MAPK9: variants seen among roughly 807,000 people sequenced by gnomAD.
MAPK9 encodes the protein mitogen-activated protein kinase 9, also known as Jun kinase.
In MAPK9, 30 loss-of-function variants were observed where a neutral mutation model predicts 57.1. The ratio of observed to expected loss-of-function variants is 0.53; its 90% CI spans 0.39 to 0.71. MAPK9 has a LOEUF of 0.71. Ranked by LOEUF, MAPK9 falls within the 30% of genes least tolerant of loss-of-function variation. The pLI is 0.00. For missense variants in MAPK9, 362 were observed against 521.0 expected (o/e 0.69, Z 2.97); for synonymous variants, 155 against 177.0 (o/e 0.88, Z 0.99).
Position 180,249,076 on chromosome 5 carries a change from G to A in MAPK9, c.513C>T (p.Gly171=), listed in dbSNP as rs1758412916. Residue 171 remains glycine (G), a synonymous_variant, in exon 6 of 12, where the codon GGC becomes GGT. Coordinates refer to ENST00000452135, the MANE Select transcript of MAPK9 (RefSeq NM_002752.5). ...AGTTAGTGCACGCTGTCCGGGCCAG[G>A]CCAAAGTCAAGGATCTTCAGGGTGC... The part of the protein sequence containing the change: ...SDCTLKILDF[G]LARTACTNFM... 5.6e-6 allele frequency: 9 copies of A among 1,613,890 alleles called. No individual in the cohort carries two copies. The highest frequency in any genetic ancestry group is 7.6e-6 in the Non-Finnish European group (9 of 1,179,888).
At chr5:180,238,605 C>CT (rs869035444) in intron 10 of MAPK9, among the ~76,000 whole-genome samples, 17 of 129,616 alleles carry the variant, frequency 1.3e-4, no homozygotes, top group East Asian at 2.1e-4. Flanking sequence ...TTTTCTTCTT[C>CT]TTCTTTTTTT....
At chr5:180,280,254 G>A (rs564177904) in intron 2 of MAPK9, among the ~76,000 whole-genome samples, 186 bp downstream of exon 2, 1 of 152,080 alleles carries the variant, frequency 6.6e-6, no homozygotes, top group African/African-American at 2.4e-5. Flanking sequence ...AGCATTCTAA[G>A]AATATGGGTT....
chr5:180,238,072 C>T, intron 11 of MAPK9: 1 of 250,828 alleles, frequency 4.0e-6, no homozygotes, highest in South Asian at 5.0e-5. Context: ...GAGATCGAGA[C>T]CAGCTTGGCC....
At chr5:180,239,872 C>T (rs368160281) in intron 10 of MAPK9, 52 bp downstream of exon 10, 462 of 1,550,390 alleles carry the variant, frequency 3.0e-4, no homozygotes, top group Non-Finnish European at 3.8e-4. Flanking sequence ...CTCTGCTCTA[C>T]AGGATTGGAA....
At chr5:180,290,517 G>C (rs1009559714) in intron 1 of MAPK9, among the ~76,000 whole-genome samples, 4 of 152,222 alleles carry the variant, frequency 2.6e-5, no homozygotes, top group African/African-American at 9.6e-5. Flanking sequence ...TGTGTCCGTA[G>C]GGTCTAGCAG....
chr5:180,287,238 G>A (rs544854089), intron 1 of MAPK9, among the ~76,000 whole-genome samples: 21 of 152,230 alleles, frequency 1.4e-4, no homozygotes, highest in African/African-American at 4.1e-4. Context: ...ATTTTCACAC[G>A]ATAAAAAATG....
chr5:180,236,346 GTTCC>G lies in MAPK9; in HGVS notation c.*34_*37del. On this transcript the variant is annotated 3_prime_UTR_variant, in exon 12 of 12. Coordinates refer to ENST00000452135, the MANE Select transcript of MAPK9 (RefSeq NM_002752.5). ...GCATTTCAGGCCCACGGAGGTGAGA[GTTCC>G]TTCAATGCTGACAGGTTTGCTATTT... 6.4e-7 allele frequency: 1 copy of G among 1,568,876 alleles called. No individual in the cohort carries two copies.
chr5:180,235,865 A>T lies in MAPK9; in HGVS notation c.*519T>A, dbSNP rs895470567. On this transcript the variant is annotated 3_prime_UTR_variant, in exon 12 of 12. Coordinates refer to ENST00000452135, the MANE Select transcript of MAPK9 (RefSeq NM_002752.5). ...AAAGATAGAATAAATCATAGCATAA[A>T]AGGGAATAAGATATGATAACATCAT... 6.5e-6 allele frequency: 1 copy of T among 152,686 alleles called. No homozygotes were observed. Among genetic ancestry groups the T allele is most frequent in the African/African-American group, 2.4e-5 (1 of 41,474 alleles). 9.5% of individuals were successfully genotyped at this position (152,686 alleles called of 1,614,324 possible). A position where few individuals can be genotyped will look rare whatever the true frequency, so the allele number is the denominator to read the frequency against.
intron 5 of MAPK9, among the ~76,000 whole-genome samples, chr5:180,251,737 C>CGCCTGGATCGGGGCGTGAT (rs1561797806): frequency 6.6e-6 from 1 of 152,218 alleles, no homozygotes. Context: ...ATCCAAGTGA[C>CGCCTGGATCGGGGCGTGAT]GCCTGGATCG....
chr5:180,281,256 G>A (rs1762293087), intron 1 of MAPK9, among the ~76,000 whole-genome samples: 1 of 152,226 alleles, frequency 6.6e-6, no homozygotes, highest in African/African-American at 2.4e-5. Context: ...CTTCAGGGTA[G>A]AGATCTGTAT....
intron 3 of MAPK9, 110 bp from the exon 4 acceptor site, chr5:180,264,949 GTAC>G: frequency 2.3e-6 from 2 of 861,290 alleles, no homozygotes. Flanking sequence ...GCAGAATTCA[GTAC>G]TTCTTATTAT....
intron 5 of MAPK9, among the ~76,000 whole-genome samples, chr5:180,254,375 A>G (rs897258827): frequency 6.6e-6 from 1 of 152,182 alleles, no homozygotes; most frequent in Non-Finnish European, 1.5e-5. Flanking sequence ...GAGAAAGACA[A>G]TGCAGGGAGT....
chr5:180,280,683 T>G, intron 1 of MAPK9, 75 bp from the exon 2 acceptor site: 1 of 1,190,196 alleles, frequency 8.4e-7, no homozygotes, highest in Non-Finnish European at 1.1e-6. Flanking sequence ...AGTTCTGAAC[T>G]TATTGGTATG....
At position 180,269,008 on chromosome 5, in the gene MAPK9, A is replaced by G. The variant is rs1309363698; in HGVS notation, c.252+272T>C. ...CAAAAAATTAGCCGGGCGTGGTGGC[A>G]GGCGCCTGTAGTCCCAGCTACTTGG... On this transcript the variant is annotated intron_variant, in intron 3 of 11. Transcript: ENST00000452135. 8.3e-3 allele frequency among the ~76,000 whole-genome samples: 1,021 copies of G among 122,834 alleles called. No homozygotes were observed. In the Middle Eastern group the frequency reaches 0.12, roughly 14 times the overall value. 80.6% of individuals were successfully genotyped at this position (122,834 alleles called of 152,430 possible).
At chr5:180,246,151 T>C (rs1258222984) in intron 7 of MAPK9, 1 of 152,188 alleles carries the variant, frequency 6.6e-6, no homozygotes, top group East Asian at 1.9e-4. Flanking sequence ...TGAGTAAGAA[T>C]TGAGACAAAC....
chr5:180,265,860 A>C (rs1409614686), intron 3 of MAPK9, among the ~76,000 whole-genome samples: 1 of 152,218 alleles, frequency 6.6e-6, no homozygotes, highest in East Asian at 1.9e-4. Context: ...CTTTATACCA[A>C]GAAAAACTCT....
chr5:180,276,011 A>G (rs949556574), intron 2 of MAPK9, among the ~76,000 whole-genome samples: 3 of 152,226 alleles, frequency 2.0e-5, no homozygotes, highest in Non-Finnish European at 4.4e-5. Context: ...CACTCATTTT[A>G]CAGGTGAAAA....
intron 1 of MAPK9, among the ~76,000 whole-genome samples, chr5:180,291,434 G>A (rs954536298): frequency 1.3e-5 from 2 of 152,194 alleles, no homozygotes; most frequent in African/African-American, 2.4e-5. Context: ...CACACAGCCT[G>A]ACAACAACCC....
chr5:180,280,664 A>C, intron 1 of MAPK9, 56 bp from the exon 2 acceptor site: 1 of 1,393,212 alleles, frequency 7.2e-7, no homozygotes, highest in Non-Finnish European at 9.7e-7. Flanking sequence ...TACGCAGCTC[A>C]CGTAAGAGAG....
Sources: allele counts gnomAD v4.1 joint callset (sites outside exome capture counted in the v4.1 genomes callset), GRCh38; gene constraint gnomAD v4.1.1; transcripts MANE v1.5; gene names NCBI Gene and HGNC (gene_info 2026-07-23, HGNC 2026-07-21).